The following RSPO1 variants were observed in gnomAD, a reference collection of about 807,000 sequenced individuals.
RSPO1 encodes the protein R-spondin 1, also known as R-spondin-1.
Under a neutral mutation model 26.0 loss-of-function variants are expected in RSPO1, and 18 were observed. The ratio of observed to expected loss-of-function variants is 0.69; its 90% CI spans 0.48 to 1.03. The LOEUF (loss-of-function observed/expected upper bound fraction) is 1.03. Ranked by LOEUF, RSPO1 falls within the 50% of genes least tolerant of loss-of-function variation. The probability of loss-of-function intolerance (pLI) is 0.00; values close to 1 mark genes in which losing one functional copy is unlikely to be tolerated. For synonymous variants in RSPO1, 133 were observed against 137.4 expected, an observed-to-expected ratio of 0.97 and a Z score of 0.22; for missense variants, 309 against 352.3, an observed-to-expected ratio of 0.88 and a Z score of 0.98.
chr1:37,617,593 C>A (rs1028928824), intron 3 of RSPO1, among the ~76,000 whole-genome samples: 1 of 125,278 alleles, frequency 8.0e-6, no homozygotes, highest in African/African-American at 3.0e-5. Flanking sequence ...ACCTGGGAGG[C>A]GGAGTTTGCA....
At chr1:37,625,589 G>A (rs546406613) in intron 3 of RSPO1, among the ~76,000 whole-genome samples, 6 of 152,110 alleles carry the variant, frequency 3.9e-5, no homozygotes, top group Non-Finnish European at 7.4e-5. Flanking sequence ...CAGGCCACAT[G>A]CTGTCCCAGG....
In RSPO1 at chr1:37,612,981, G is replaced by T. The variant is rs1644049665; in HGVS notation, c.626-60C>A. The T allele has an allele frequency of 3.2e-6, 5 of 1,581,108 alleles. No individual in the cohort carries two copies. In the South Asian group the frequency reaches 3.3e-5, roughly 10 times the overall value. On this transcript the variant is annotated intron_variant, in intron 6 of 6. Transcript: ENST00000356545. The stretch of plus-strand genomic sequence containing the variant: ...GGATGTGCAGGGAGGCCCTGGGCAT[G>T]GCCACAGGCCCTAGGAGGGGAGTGT...
chr1:37,614,449 C>T lies in RSPO1; in HGVS notation c.287-116G>A. 4 of 1,192,910 alleles carry T rather than the reference C, an allele frequency of 3.4e-6. 1 individual carries two copies. The South Asian group carries it at 5.1e-5, about 15-fold the overall frequency. 73.9% of individuals were successfully genotyped at this position (1,192,910 alleles called of 1,614,324 possible). Reference sequence around the variant, plus strand: ...ACCCACCTACATGGAGGGCAGGACCCTGGCCTAGAGCTGCAGGTACTGCAG... The same window carrying T: ...ACCCACCTACATGGAGGGCAGGACCTTGGCCTAGAGCTGCAGGTACTGCAG... On this transcript the variant is annotated intron_variant, in intron 4 of 6. Coordinates refer to ENST00000356545, the MANE Select transcript of RSPO1 (RefSeq NM_001242908.2).
intron 3 of RSPO1, among the ~76,000 whole-genome samples, chr1:37,618,162 AGCCTGCCAGATG>A (rs1644145777): frequency 6.6e-6 from 1 of 152,236 alleles, no homozygotes; most frequent in African/African-American, 2.4e-5. Flanking sequence ...CTTGAACTTG[AGCCTGCCAGATG>A]GCATTTCCCA....
chr1:37,622,136 A>C (rs1381805262), intron 3 of RSPO1, among the ~76,000 whole-genome samples: 1 of 152,204 alleles, frequency 6.6e-6, no homozygotes, highest in Non-Finnish European at 1.5e-5. Flanking sequence ...GACAGGCAGG[A>C]GACACTGAGA....
At chr1:37,630,309 T>A (rs1644339140) in intron 2 of RSPO1, among the ~76,000 whole-genome samples, 1 of 140,646 alleles carries the variant, frequency 7.1e-6, no homozygotes, top group Admixed American at 7.6e-5. Flanking sequence ...AGTAGTATCC[T>A]GTCTCTTGAA....
chr1:37,634,571 TGCTGCC>T lies in RSPO1; in HGVS notation c.-367_-362del, dbSNP rs1167631648. ...GCAGCTACGAGGGGACTCACCTTCG[TGCTGCC>T]AGTCGCGACGGGGGCAGGCCCGGGA... On this transcript the variant is annotated 5_prime_UTR_variant, in exon 1 of 7. Transcript: ENST00000356545. This position sits in a 1 kb window ranked among gnomAD's most constrained non-coding sequence, Gnocchi z 4.7. The T allele has an allele frequency of 6.6e-5, 10 of 152,304 alleles. No homozygotes were observed. The highest frequency in any genetic ancestry group is 1.3e-4 in the Non-Finnish European group (9 of 68,122). The allele number at this position is 152,304 out of a possible 1,614,324, so 9.4% of individuals were successfully genotyped here. A position where few individuals can be genotyped will look rare whatever the true frequency, so the allele number is the denominator to read the frequency against.
chr1:37,619,812 A>C (rs924486305), intron 3 of RSPO1, among the ~76,000 whole-genome samples: 2 of 151,642 alleles, frequency 1.3e-5, no homozygotes, highest in African/African-American at 4.8e-5. Flanking sequence ...CAGTGGCACA[A>C]TCTCGGCTCA....
chr1:37,614,103 C>T (rs1316709520), intron 5 of RSPO1, 81 bp downstream of exon 5: 8 of 1,524,950 alleles, frequency 5.2e-6, no homozygotes, highest in African/African-American at 1.4e-5. Flanking sequence ...CCCCAGCCCA[C>T]CCGCTCTCTT....
intron 3 of RSPO1, 118 bp downstream of exon 3, chr1:37,629,446 AATAG>A (rs1644324117): frequency 1.3e-6 from 1 of 769,646 alleles, no homozygotes; most frequent in African/African-American, 1.7e-5. Flanking sequence ...ACAAAGCTAT[AATAG>A]ATAGAGTGGA....
chr1:37,622,808 T>C (rs1373296712), intron 3 of RSPO1, among the ~76,000 whole-genome samples: 2 of 152,160 alleles, frequency 1.3e-5, no homozygotes, highest in African/African-American at 4.8e-5. Flanking sequence ...AGGGCAGTTT[T>C]GGTGGAGAGG....
rs1468880525 is a variant in RSPO1 at position 37,612,512 on chromosome 1, G to GTGTGTGTGTGTGTA, written c.*242_*243insTACACACACACACA. The GTGTGTGTGTGTGTA allele has an allele frequency of 1.7e-6, 1 of 588,206 alleles. No homozygotes were observed. The highest frequency in any genetic ancestry group is 3.1e-6 in the Non-Finnish European group (1 of 325,790). The allele number at this position is 588,206 out of a possible 1,614,324, so 36.4% of individuals were successfully genotyped here. ...CTGGTGGCCTCAGGTGTGTGTGTGT[G>GTGTGTGTGTGTGTA]TGTGTGTGTATGTGTGTGTGTGGTG... On this transcript the variant is annotated 3_prime_UTR_variant, in exon 7 of 7. Transcript: ENST00000356545.
chr1:37,627,440 A>C (rs1644294313), intron 3 of RSPO1, among the ~76,000 whole-genome samples: 1 of 152,202 alleles, frequency 6.6e-6, no homozygotes, highest in African/African-American at 2.4e-5. Context: ...ACCTGAGGTC[A>C]AGAGTTCAAG....
At chr1:37,616,412 T>G in intron 4 of RSPO1, 72 bp downstream of exon 4, 2 of 1,450,858 alleles carry the variant, frequency 1.4e-6, no homozygotes, top group South Asian at 1.2e-5. Flanking sequence ...CAGCCACCAA[T>G]GGTTCAAAGC....
Position 37,612,841 on chromosome 1 carries a change from C to G in RSPO1, c.706G>C (p.Gly236Arg). ...CCCTTGCGTCTTCGAGAGCCAGCACCCGCCTCCTTGCTCTCCTTCCTGGCC... is the reference window on the plus strand; with the variant it reads ...CCCTTGCGTCTTCGAGAGCCAGCACGCGCCTCCTTGCTCTCCTTCCTGGCC... ...NLARKESKEA[G>R]AGSRRRKGQQ... is the part of the protein sequence containing the mutation. The change falls in exon 7 of 7, where the codon GGT becomes CGT. Residue 236 changes from glycine to arginine, a missense_variant. Physicochemically the swap from Gly to Arg is moderately radical, Grantham distance 125. Coordinates refer to ENST00000356545, the MANE Select transcript of RSPO1 (RefSeq NM_001242908.2). 6.2e-7 allele frequency: 1 copy of G among 1,613,968 alleles called. No individual in the cohort carries two copies. The highest frequency in any genetic ancestry group is 8.5e-7 in the Non-Finnish European group (1 of 1,180,040).
At chr1:37,633,626 C>T (rs1485835326) in intron 1 of RSPO1, among the ~76,000 whole-genome samples, 1 of 151,708 alleles carries the variant, frequency 6.6e-6, no homozygotes, top group Non-Finnish European at 1.5e-5. Context: ...GTTTTGGCCG[C>T]CCAGCAGGCT....
chr1:37,620,506 C>T (rs1644184058), intron 3 of RSPO1, among the ~76,000 whole-genome samples: 1 of 152,078 alleles, frequency 6.6e-6, no homozygotes, highest in Admixed American at 6.5e-5. Context: ...TGGCATGCAC[C>T]TGTAATACCA....
At position 37,629,590 on chromosome 1, in the gene RSPO1, G is replaced by GA. The variant is rs1469875811; in HGVS notation, c.71dup (p.Lys25GlnfsTer21). The stretch of plus-strand genomic sequence containing the variant: ...CACTCCGCCTCTGCCTTTTCCCCTT[G>GA]ATCCCCCGGCTGCTGATGGTGAGGT... On this transcript the variant is annotated frameshift_variant, in exon 3 of 7. Coordinates refer to ENST00000356545, the MANE Select transcript of RSPO1 (RefSeq NM_001242908.2). LOFTEE classifies it high-confidence loss of function. The GA allele has an allele frequency of 6.2e-7, 1 of 1,613,982 alleles. No individual in the cohort carries two copies. The highest frequency in any genetic ancestry group is 1.3e-5 in the African/African-American group (1 of 74,884).
In RSPO1 at chr1:37,611,541, T is replaced by G. The variant is rs1644025323; in HGVS notation, c.*1214A>C. On this transcript the variant is annotated 3_prime_UTR_variant, in exon 7 of 7. Coordinates refer to ENST00000356545, the MANE Select transcript of RSPO1 (RefSeq NM_001242908.2). Reference sequence around the variant, plus strand: ...AAGAGCAAGGCCCGTGTTTGGCTCCTCCCTGGAAACCTAGCACCTAGTCCA... The same window carrying G: ...AAGAGCAAGGCCCGTGTTTGGCTCCGCCCTGGAAACCTAGCACCTAGTCCA... The G allele has an allele frequency of 6.6e-6, 1 of 152,300 alleles. No individual in the cohort carries two copies. 9.4% of individuals were successfully genotyped at this position (152,300 alleles called of 1,614,324 possible).
Sources: allele counts gnomAD v4.1 joint callset (sites outside exome capture counted in the v4.1 genomes callset), GRCh38; gene constraint gnomAD v4.1.1; non-coding constraint Gnocchi (gnomAD v3.1); transcripts MANE v1.5; gene names NCBI Gene and HGNC (gene_info 2026-07-23, HGNC 2026-07-21).